The following SRD5A2 variants were observed in gnomAD, a reference collection of about 807,000 sequenced individuals.
The protein encoded by SRD5A2 is 3-oxo-5-alpha-steroid 4-dehydrogenase 2.
SRD5A2 carries 30 observed loss-of-function variants against 27.4 expected under a neutral mutation model. That is an observed-to-expected ratio of 1.10 (90% CI 0.82 to 1.49). The LOEUF (loss-of-function observed/expected upper bound fraction) is 1.49. Among genes scored for constraint, SRD5A2 ranks in the 40% most tolerant of loss-of-function variants. SRD5A2 has a pLI of 0.00. For synonymous variants in SRD5A2, 141 were observed against 133.6 expected (o/e 1.06, Z -0.38); for missense variants, 348 against 323.4 (o/e 1.08, Z -0.58).
chr2:31,572,288 A>T (rs1666866982), intron 1 of SRD5A2, among the ~76,000 whole-genome samples: 1 of 152,192 alleles, frequency 6.6e-6, no homozygotes, highest in South Asian at 2.1e-4. Context: ...GAACAACAGC[A>T]CTGGGGTCTA....
intron 1 of SRD5A2, among the ~76,000 whole-genome samples, chr2:31,548,117 T>C (rs7599086): frequency 0.16 from 23,812 of 151,804 alleles, 2,369 homozygotes; most frequent in African/African-American, 0.29. Context: ...AAGACCTAAA[T>C]ATAAGAAAAA....
chr2:31,657,394 CTTTG>C, the SRD5A2 span, among the ~76,000 whole-genome samples: 2 of 152,112 alleles, frequency 1.3e-5, no homozygotes, highest in African/African-American at 2.4e-5. Flanking sequence ...TAGGTACTCT[CTTTG>C]TTTGTTTTAT....
chr2:31,560,337 C>A (rs1263046060), intron 1 of SRD5A2, among the ~76,000 whole-genome samples: 2 of 152,002 alleles, frequency 1.3e-5, no homozygotes, highest in Non-Finnish European at 2.9e-5. Context: ...AACCTGAAAC[C>A]AAGATGTCTA....
intron 1 of SRD5A2, among the ~76,000 whole-genome samples, chr2:31,546,201 T>C (rs1160269025): frequency 2.0e-5 from 3 of 151,212 alleles, no homozygotes; most frequent in Admixed American, 2.0e-4. Flanking sequence ...AATAAAACAG[T>C]CCACTATAAA....
chr2:31,524,093 G>C lies in SRD5A2; in HGVS notation c.*2103C>G, dbSNP rs1417531064. 9.0e-6 allele frequency: 2 copies of C among 222,784 alleles called. No individual in the cohort carries two copies. The highest frequency in any genetic ancestry group is 9.0e-6 in the Non-Finnish European group (1 of 111,486). 13.8% of individuals were successfully genotyped at this position (222,784 alleles called of 1,614,324 possible). On this transcript the variant is annotated 3_prime_UTR_variant, in exon 5 of 5. Coordinates refer to ENST00000622030, the MANE Select transcript of SRD5A2 (RefSeq NM_000348.4). ...GCAAAAAGTGAAATTGCCAAATGGC[G>C]GTTTTGTCCTGAGACTGAGTACTGC... is the stretch of plus-strand genomic sequence containing the variant.
the SRD5A2 span, among the ~76,000 whole-genome samples, chr2:31,620,713 G>A: frequency 6.6e-5 from 10 of 151,482 alleles, no homozygotes; most frequent in Middle Eastern, 3.4e-3. Context: ...TAAATGCTCC[G>A]AAAAGGTCTC....
At chr2:31,630,460 C>T in the SRD5A2 span, among the ~76,000 whole-genome samples, 2 of 152,046 alleles carry the variant, frequency 1.3e-5, no homozygotes, top group African/African-American at 4.8e-5. Context: ...TCTCTATGAC[C>T]CTATAACACT....
intron 1 of SRD5A2, among the ~76,000 whole-genome samples, chr2:31,550,548 C>T (rs1241061642): frequency 6.6e-6 from 1 of 151,800 alleles, no homozygotes; most frequent in African/African-American, 2.4e-5. Context: ...TATAGCATGA[C>T]CAACTGGAGA....
At chr2:31,578,431 CT>C (rs1322988027) in intron 1 of SRD5A2, among the ~76,000 whole-genome samples, 1 of 152,108 alleles carries the variant, frequency 6.6e-6, no homozygotes, top group Non-Finnish European at 1.5e-5. Flanking sequence ...GTTATTTAAC[CT>C]TTTCTTGCTC....
At chr2:31,643,183 A>G in the SRD5A2 span, among the ~76,000 whole-genome samples, 6 of 152,150 alleles carry the variant, frequency 3.9e-5, no homozygotes, top group African/African-American at 1.4e-4. Context: ...AATTTACCTC[A>G]AGGAAATTGG....
the SRD5A2 span, among the ~76,000 whole-genome samples, chr2:31,636,923 C>T: frequency 3.1e-4 from 47 of 152,040 alleles, 1 homozygote; most frequent in African/African-American, 9.4e-4. Flanking sequence ...GGATATTGGC[C>T]TCTATTTTTC....
the SRD5A2 span, among the ~76,000 whole-genome samples, chr2:31,608,805 G>A: frequency 2.0e-5 from 3 of 151,934 alleles, no homozygotes; most frequent in Admixed American, 6.6e-5. Context: ...CCATGTCCAC[G>A]GTTTGGAAGA....
At chr2:31,603,851 C>T in the SRD5A2 span, among the ~76,000 whole-genome samples, 1 of 151,886 alleles carries the variant, frequency 6.6e-6, no homozygotes, top group Non-Finnish European at 1.5e-5. Context: ...GATAAGAACA[C>T]ATGGACACAC....
intron 1 of SRD5A2, among the ~76,000 whole-genome samples, chr2:31,574,835 T>C (rs1246070502): frequency 6.6e-6 from 1 of 152,236 alleles, no homozygotes; most frequent in Non-Finnish European, 1.5e-5. Context: ...TGGTAAACTA[T>C]GGCCCATAGG....
chr2:31,587,675 C>G, the SRD5A2 span, among the ~76,000 whole-genome samples: 1 of 152,154 alleles, frequency 6.6e-6, no homozygotes, highest in Non-Finnish European at 1.5e-5. Context: ...CATGTTCTCA[C>G]TCATAAGTGG....
chr2:31,633,138 T>C, the SRD5A2 span, among the ~76,000 whole-genome samples: 1 of 152,110 alleles, frequency 6.6e-6, no homozygotes, highest in African/African-American at 2.4e-5. Context: ...GAAGGACCCC[T>C]AATATGGGGT....
At chr2:31,639,783 T>C in the SRD5A2 span, among the ~76,000 whole-genome samples, 1 of 152,150 alleles carries the variant, frequency 6.6e-6, no homozygotes, top group Non-Finnish European at 1.5e-5. Flanking sequence ...CTTCTCTTTG[T>C]CCTTGACATT....
intron 1 of SRD5A2, among the ~76,000 whole-genome samples, chr2:31,572,242 T>A (rs549210656): frequency 1.3e-5 from 2 of 152,222 alleles, no homozygotes; most frequent in East Asian, 3.9e-4. Flanking sequence ...CACTTATAAA[T>A]GGGAGCTAAA....
At chr2:31,536,369 A>C (rs1464839683) in intron 1 of SRD5A2, among the ~76,000 whole-genome samples, 1 of 152,242 alleles carries the variant, frequency 6.6e-6, no homozygotes, top group Non-Finnish European at 1.5e-5. Context: ...ACAGCCATTC[A>C]GGACCCAGGC....
Sources: gnomAD v4.1 joint callset for allele counts (sites outside exome capture counted in the v4.1 genomes callset) on GRCh38, gnomAD v4.1.1 for gene constraint, MANE v1.5 for transcripts, NCBI Gene and HGNC (gene_info 2026-07-23, HGNC 2026-07-21) for gene names.